Variants in AGPAT1 observed in about 807,000 individuals in gnomAD.
AGPAT1 encodes 1-acylglycerol-3-phosphate O-acyltransferase 1.
Under a neutral mutation model 31.2 loss-of-function variants are expected in AGPAT1, and 6 were observed. That is an observed-to-expected ratio of 0.19 (90% CI 0.11 to 0.38). The LOEUF is 0.38. AGPAT1 is among the 10% of genes least tolerant of loss of function. The pLI, the probability that AGPAT1 is intolerant of heterozygous loss-of-function variation, is 1.00. For missense variants in AGPAT1, 187 were observed against 377.8 expected, an observed-to-expected ratio of 0.49 and a Z score of 4.19; for synonymous variants, 139 against 154.0, an observed-to-expected ratio of 0.90 and a Z score of 0.72.
chr6:32,171,649 TC>T lies in AGPAT1; in HGVS notation c.-9-145del. ...TGGGGCAGGGGTCTCATTGAAACCT[TC>T]CCAGGAAGGCTCTCTAGGATGAGGG... is the stretch of plus-strand genomic sequence containing the variant. On this transcript the variant is annotated intron_variant, in intron 1 of 6. Coordinates refer to ENST00000375107, the MANE Select transcript of AGPAT1 (RefSeq NM_006411.4). The surrounding 1 kb of genome is among the most constrained non-coding windows in gnomAD (Gnocchi z 6.9). The T allele has an allele frequency of 8.9e-7, 1 of 1,120,626 alleles. No homozygotes were observed. The highest frequency in any genetic ancestry group is 1.3e-6 in the Non-Finnish European group (1 of 796,990). The allele number at this position is 1,120,626 out of a possible 1,614,324, so 69.4% of individuals were successfully genotyped here. A position where few individuals can be genotyped will look rare whatever the true frequency, so the allele number is the denominator to read the frequency against.
chr6:32,176,488 CA>C (rs1785568955), upstream of AGPAT1: 1 of 985,438 alleles, frequency 1.0e-6, no homozygotes, highest in East Asian at 1.1e-4. Context: ...CAATTCTAAA[CA>C]TTTATCAAGC....
rs191759752 is a variant in AGPAT1 at position 32,175,575 on chromosome 6, C to T, written c.-10+239G>A. The stretch of plus-strand genomic sequence containing the variant: ...CTCTCCAGGATTCCCTGTGCACGCT[C>T]CCAGTCCCAAATTCACAAGGGTTTC... On this transcript the variant is annotated intron_variant, in intron 1 of 6. Transcript: ENST00000375107. The surrounding 1 kb of genome is among the most constrained non-coding windows in gnomAD (Gnocchi z 4.5). Among the ~76,000 whole-genome samples, 1 of 151,992 alleles carries T rather than the reference C, an allele frequency of 6.6e-6. No homozygotes were observed. The highest frequency in any genetic ancestry group is 1.9e-4 in the East Asian group (1 of 5,170).
At position 32,171,864 on chromosome 6, in the gene AGPAT1, G is replaced by T. The variant is rs1785137963; in HGVS notation, c.-9-359C>A. On this transcript the variant is annotated intron_variant, in intron 1 of 6. Coordinates refer to ENST00000375107, the MANE Select transcript of AGPAT1 (RefSeq NM_006411.4). This position sits in a 1 kb window ranked among gnomAD's most constrained non-coding sequence, Gnocchi z 6.9. ...AATGGTCTATACTTGTGCTGTCCGA[G>T]AAAGTAGCCACCACCTACATGTGGC... The T allele has an allele frequency of 2.9e-6, 1 of 343,574 alleles. No individual in the cohort carries two copies. The highest frequency in any genetic ancestry group is 5.2e-5 in the East Asian group (1 of 19,284). 21.3% of individuals were successfully genotyped at this position (343,574 alleles called of 1,614,324 possible).
In AGPAT1 at chr6:32,171,802, A is replaced by G. The variant is rs1255798887; in HGVS notation, c.-9-297T>C. On this transcript the variant is annotated intron_variant, in intron 1 of 6. Transcript: ENST00000375107. This position sits in a 1 kb window ranked among gnomAD's most constrained non-coding sequence, Gnocchi z 6.9. The stretch of plus-strand genomic sequence containing the variant: ...ATACCTGATAATAAATGACAACAAG[A>G]ATAATAGCTAACACTTGTAGCTGGT... The G allele has an allele frequency of 7.2e-6, 4 of 551,948 alleles. No individual in the cohort carries two copies. Among genetic ancestry groups the G allele is most frequent in the Non-Finnish European group, 1.3e-5 (4 of 308,320 alleles). The allele number at this position is 551,948 out of a possible 1,614,324, so 34.2% of individuals were successfully genotyped here.
chr6:32,171,160 C>T lies in AGPAT1; in HGVS notation c.201-90G>A. The T allele has an allele frequency of 1.9e-6, 3 of 1,587,104 alleles. No homozygotes were observed. Among genetic ancestry groups the T allele is most frequent in the Non-Finnish European group, 2.6e-6 (3 of 1,164,168 alleles). On this transcript the variant is annotated intron_variant, in intron 2 of 6. Transcript: ENST00000375107. This position sits in a 1 kb window ranked among gnomAD's most constrained non-coding sequence, Gnocchi z 6.9. ...CCCCACCTTACTGTCTTTCTGACCACCTTTGCAGTCCTCTCCCCATTCCCT... is the reference window on the plus strand; with the variant it reads ...CCCCACCTTACTGTCTTTCTGACCATCTTTGCAGTCCTCTCCCCATTCCCT...
rs770568102 is a variant in AGPAT1, at chr6:32,171,434, C to G, written c.63G>C (p.Leu21=). 80 of 1,612,544 alleles carry G rather than the reference C, an allele frequency of 5.0e-5. No individual in the cohort carries two copies. The highest frequency in any genetic ancestry group is 7.7e-5 in the South Asian group (7 of 91,050). The change falls in exon 2 of 7, where the codon CTG becomes CTC. Residue 21 remains leucine, a synonymous_variant. Transcript: ENST00000375107. This position sits in a 1 kb window ranked among gnomAD's most constrained non-coding sequence, Gnocchi z 6.9. ...GGCTGCAGAACCACAGGGTGGGCAG[C>G]AGGAAGAGCAGCAGCAGGAAGAGCA... ...LLLLFLLLLF[L]LPTLWFCSPS... is the part of the protein sequence containing the mutation.
chr6:32,175,506 G>C lies in AGPAT1; in HGVS notation c.-10+308C>G, dbSNP rs1051905436. 2.6e-5 allele frequency among the ~76,000 whole-genome samples: 4 copies of C among 152,108 alleles called. No homozygotes were observed. The highest frequency in any genetic ancestry group is 6.5e-5 in the Admixed American group (1 of 15,276). On this transcript the variant is annotated intron_variant, in intron 1 of 6. Transcript: ENST00000375107. This position sits in a 1 kb window ranked among gnomAD's most constrained non-coding sequence, Gnocchi z 4.5. Reference sequence around the variant, plus strand: ...CATGACCCTTCAAGAGTCATGTGGGGTCAAAGGGCAAGAAAAGGAATTGGG... The same window carrying C: ...CATGACCCTTCAAGAGTCATGTGGGCTCAAAGGGCAAGAAAAGGAATTGGG...
In AGPAT1 at chr6:32,171,683, GA is replaced by G. The variant is rs1295648806; in HGVS notation, c.-9-179del. ...GGCTCTCTAGGATGAGGGTGGTGGA[GA>G]AAGAGCTCAGGACTGCTCTCCCACC... On this transcript the variant is annotated intron_variant, in intron 1 of 6. Transcript: ENST00000375107. This position sits in a 1 kb window ranked among gnomAD's most constrained non-coding sequence, Gnocchi z 6.9. 2.5e-6 allele frequency: 2 copies of G among 793,790 alleles called. No individual in the cohort carries two copies. Among genetic ancestry groups the G allele is most frequent in the Non-Finnish European group, 3.9e-6 (2 of 508,036 alleles). The allele number at this position is 793,790 out of a possible 1,614,324, so 49.2% of individuals were successfully genotyped here.
Position 32,169,096 on chromosome 6 carries a change from A to G in AGPAT1, c.*180T>C. On this transcript the variant is annotated 3_prime_UTR_variant, in exon 7 of 7. Transcript: ENST00000375107. This position sits in a 1 kb window ranked among gnomAD's most constrained non-coding sequence, Gnocchi z 5.9. ...AGGCAAGAGTCCATGGATGGGGCCAAGAGGGGGCAGGAGTGGCGCTGTATC... is the reference window on the plus strand; with the variant it reads ...AGGCAAGAGTCCATGGATGGGGCCAGGAGGGGGCAGGAGTGGCGCTGTATC... 3.0e-6 allele frequency: 2 copies of G among 671,436 alleles called. No homozygotes were observed. The highest frequency in any genetic ancestry group is 5.0e-6 in the Non-Finnish European group (2 of 400,854). 41.6% of individuals were successfully genotyped at this position (671,436 alleles called of 1,614,324 possible).
Position 32,169,484 on chromosome 6 carries a change from C to T in AGPAT1, c.680-36G>A. ...GGGAGCACCATCATGGCCTGTCCAC[C>T]CAGGTCTTTGCCCACAGGTGGGGCC... On this transcript the variant is annotated intron_variant, in intron 6 of 6. Coordinates refer to ENST00000375107, the MANE Select transcript of AGPAT1 (RefSeq NM_006411.4). The surrounding 1 kb of genome is among the most constrained non-coding windows in gnomAD (Gnocchi z 5.9). 6.2e-7 allele frequency: 1 copy of T among 1,605,266 alleles called. No homozygotes were observed. Among genetic ancestry groups the T allele is most frequent in the Non-Finnish European group, 8.5e-7 (1 of 1,175,242 alleles).
Position 32,171,455 on chromosome 6 carries a change from G to GAGCAGC in AGPAT1, c.36_41dup (p.Leu13_Leu14dup). The GAGCAGC allele has an allele frequency of 1.2e-6, 2 of 1,611,142 alleles. No individual in the cohort carries two copies. The highest frequency in any genetic ancestry group is 8.5e-7 in the Non-Finnish European group (1 of 1,179,318). ...GCAGCAGGAAGAGCAGCAGCAGGAA[G>GAGCAGC]AGCAGCAGCAGCAGCATCCATGCCC... is the stretch of plus-strand genomic sequence containing the variant. On this transcript the variant is annotated inframe_insertion, in exon 2 of 7. Transcript: ENST00000375107. The surrounding 1 kb of genome is among the most constrained non-coding windows in gnomAD (Gnocchi z 6.9).
chr6:32,177,845 G>A (rs964226202), upstream of AGPAT1: 3 of 152,242 alleles, frequency 2.0e-5, no homozygotes, highest in African/African-American at 7.2e-5. Context: ...GGACCCGGAT[G>A]AAGCGAGCCT....
At position 32,170,362 on chromosome 6, in the gene AGPAT1, A is replaced by C. The variant is rs1480581990; in HGVS notation, c.510+63T>G. ...TTGAGGCCCACTGGCCCTGCATATC[A>C]GTTTATTTACAACTGTTCTACTCTG... is the stretch of plus-strand genomic sequence containing the variant. On this transcript the variant is annotated intron_variant, in intron 4 of 6. Coordinates refer to ENST00000375107, the MANE Select transcript of AGPAT1 (RefSeq NM_006411.4). This position sits in a 1 kb window ranked among gnomAD's most constrained non-coding sequence, Gnocchi z 7.7. 1 of 1,611,502 alleles carries C rather than the reference A, an allele frequency of 6.2e-7. No homozygotes were observed. Among genetic ancestry groups the C allele is most frequent in the African/African-American group, 1.3e-5 (1 of 74,870 alleles).
Position 32,174,424 on chromosome 6 carries a change from A to G in AGPAT1, c.-10+1390T>C, listed in dbSNP as rs1031562465. Among the ~76,000 whole-genome samples the G allele has an allele frequency of 5.3e-5, 8 of 152,248 alleles. No homozygotes were observed. Among genetic ancestry groups the G allele is most frequent in the Admixed American group, 2.0e-4 (3 of 15,292 alleles). The stretch of plus-strand genomic sequence containing the variant: ...GCCATAATGAAGGCAGAGTAACAAT[A>G]ATCAGGAAGAGGTCATCTCACAAGA... On this transcript the variant is annotated intron_variant, in intron 1 of 6. Coordinates refer to ENST00000375107, the MANE Select transcript of AGPAT1 (RefSeq NM_006411.4). The surrounding 1 kb of genome is among the most constrained non-coding windows in gnomAD (Gnocchi z 4.5).
chr6:32,171,259 TTA>T lies in AGPAT1; in HGVS notation c.200+36_200+37del, dbSNP rs1427772508. On this transcript the variant is annotated intron_variant, in intron 2 of 6. Coordinates refer to ENST00000375107, the MANE Select transcript of AGPAT1 (RefSeq NM_006411.4). The surrounding 1 kb of genome is among the most constrained non-coding windows in gnomAD (Gnocchi z 6.9). ...CCAATCCACTACTCACTTTGTACCCTTAGGTTCCCTCATTGCCCAAGACCCCT... is the reference window on the plus strand; with the variant it reads ...CCAATCCACTACTCACTTTGTACCCTGGTTCCCTCATTGCCCAAGACCCCT... 5.0e-6 allele frequency: 8 copies of T among 1,612,950 alleles called. No individual in the cohort carries two copies. The highest frequency in any genetic ancestry group is 5.9e-6 in the Non-Finnish European group (7 of 1,180,010).
At chr6:32,176,221 CT>C (rs1228753311), upstream of AGPAT1, 18 of 896,052 alleles carry the variant, frequency 2.0e-5, no homozygotes, top group Non-Finnish European at 2.4e-5. Context: ...CCAGTGTCCT[CT>C]TGCGAGCCCC....
Position 32,169,032 on chromosome 6 carries a change from G to A in AGPAT1, c.*244C>T. ...GGGGAGGCAACTGTCCCACAGACAA[G>A]ACAGTAGGAGGTGGGGGTCAAGAGT... On this transcript the variant is annotated 3_prime_UTR_variant, in exon 7 of 7. Coordinates refer to ENST00000375107, the MANE Select transcript of AGPAT1 (RefSeq NM_006411.4). This position sits in a 1 kb window ranked among gnomAD's most constrained non-coding sequence, Gnocchi z 5.9. 1.8e-6 allele frequency: 1 copy of A among 562,132 alleles called. No individual in the cohort carries two copies. The highest frequency in any genetic ancestry group is 3.2e-6 in the Non-Finnish European group (1 of 315,452). The allele number at this position is 562,132 out of a possible 1,614,324, so 34.8% of individuals were successfully genotyped here. A position where few individuals can be genotyped will look rare whatever the true frequency, so the allele number is the denominator to read the frequency against.
chr6:32,175,269 G>A lies in AGPAT1; in HGVS notation c.-10+545C>T, dbSNP rs1785435269. 6.6e-6 allele frequency among the ~76,000 whole-genome samples: 1 copy of A among 152,180 alleles called. No individual in the cohort carries two copies. Among genetic ancestry groups the A allele is most frequent in the African/African-American group, 2.4e-5 (1 of 41,440 alleles). On this transcript the variant is annotated intron_variant, in intron 1 of 6. Transcript: ENST00000375107. This position sits in a 1 kb window ranked among gnomAD's most constrained non-coding sequence, Gnocchi z 4.5. Reference sequence around the variant, plus strand: ...ACCATTTCTACACAGCCTATGGATAGCATTGGGACAACCTAGTTGCACACA... The same window carrying A: ...ACCATTTCTACACAGCCTATGGATAACATTGGGACAACCTAGTTGCACACA...
upstream of AGPAT1, chr6:32,176,221 C>T: frequency 1.1e-6 from 1 of 896,052 alleles, no homozygotes; most frequent in Middle Eastern, 5.8e-4. Context: ...CCAGTGTCCT[C>T]TTGCGAGCCC....
Sources: gnomAD v4.1 joint callset for allele counts (sites outside exome capture counted in the v4.1 genomes callset) on GRCh38, gnomAD v4.1.1 for gene constraint, Gnocchi (gnomAD v3.1) non-coding constraint, MANE v1.5 for transcripts, NCBI Gene and HGNC (gene_info 2026-07-23, HGNC 2026-07-21) for gene names.